TSPAN13: variants seen among roughly 807,000 people sequenced by gnomAD.
TSPAN13 encodes the protein tetraspanin-13.
TSPAN13 carries 18 observed loss-of-function variants against 26.9 expected under a neutral mutation model. The ratio of observed to expected loss-of-function variants is 0.67; its 90% confidence interval spans 0.46 to 0.99. The LOEUF is 0.99. Ranked by LOEUF, TSPAN13 falls within the 50% of genes least tolerant of loss-of-function variation. The probability of loss-of-function intolerance (pLI) is 0.00; values close to 1 mark genes in which losing one functional copy is unlikely to be tolerated. For synonymous variants in TSPAN13, 116 were observed against 98.4 expected (o/e 1.18, Z -1.06); for missense variants, 201 against 249.6 (o/e 0.81, Z 1.31).
At chr7:16,772,561 A>G (rs1424058815) in intron 1 of TSPAN13, among the ~76,000 whole-genome samples, 1 of 151,636 alleles carries the variant, frequency 6.6e-6, no homozygotes, top group Admixed American at 6.6e-5. Context: ...CACTTTCTAC[A>G]TTGTGTGTGT....
At chr7:16,777,722 A>C (rs1374479366) in intron 3 of TSPAN13, 76 bp from the exon 4 acceptor site, 31 of 1,036,494 alleles carry the variant, frequency 3.0e-5, no homozygotes, top group Non-Finnish European at 4.2e-5. Context: ...TACACTTAGT[A>C]CTAAAAGTTA....
intron 1 of TSPAN13, among the ~76,000 whole-genome samples, chr7:16,774,029 A>G (rs906873313): frequency 2.0e-5 from 3 of 152,226 alleles, no homozygotes; most frequent in Admixed American, 2.0e-4. Context: ...TGTGACTAAC[A>G]TTTACAATCA....
At chr7:16,778,871 T>G in intron 4 of TSPAN13, 132 bp from the exon 5 acceptor site, 1 of 618,572 alleles carries the variant, frequency 1.6e-6, no homozygotes, top group Admixed American at 3.1e-5. Flanking sequence ...TGTTAGAGAT[T>G]TGCACACTAA....
intron 1 of TSPAN13, among the ~76,000 whole-genome samples, chr7:16,770,610 T>A (rs181845797): frequency 6.6e-6 from 1 of 152,254 alleles, no homozygotes; most frequent in Non-Finnish European, 1.5e-5. Flanking sequence ...TCTTTTGTTA[T>A]ATTTGTCATA....
intron 1 of TSPAN13, among the ~76,000 whole-genome samples, chr7:16,754,664 A>G (rs887462026): frequency 4.6e-5 from 7 of 152,154 alleles, no homozygotes; most frequent in Non-Finnish European, 7.4e-5. Flanking sequence ...TGTCTTGTCC[A>G]TGATCAATAT....
Position 16,753,943 on chromosome 7 carries a change from G to C in TSPAN13, c.-25G>C, listed in dbSNP as rs1562514812. 6.2e-7 allele frequency: 1 copy of C among 1,609,650 alleles called. No homozygotes were observed. The highest frequency in any genetic ancestry group is 1.1e-5 in the South Asian group (1 of 90,002). On this transcript the variant is annotated 5_prime_UTR_variant, in exon 1 of 6. Transcript: ENST00000262067. ...TCCGCCGGAGTCGAATTTACGTGCAGCTGCCGGCAACCACAGGTTCCAAGA... is the reference window on the plus strand; with the variant it reads ...TCCGCCGGAGTCGAATTTACGTGCACCTGCCGGCAACCACAGGTTCCAAGA...
intron 1 of TSPAN13, among the ~76,000 whole-genome samples, chr7:16,762,277 A>G (rs1460539755): frequency 2.6e-5 from 4 of 152,206 alleles, no homozygotes; most frequent in Non-Finnish European, 4.4e-5. Context: ...GAGCAATATC[A>G]TGTGCTCTTT....
intron 1 of TSPAN13, 139 bp from the exon 2 acceptor site, chr7:16,776,072 T>C: frequency 1.5e-6 from 1 of 672,952 alleles, no homozygotes; most frequent in South Asian, 2.8e-5. Flanking sequence ...TGTGTATTCT[T>C]GTATTAAGTT....
At chr7:16,755,962 T>C (rs1336604891) in intron 1 of TSPAN13, among the ~76,000 whole-genome samples, 2 of 152,154 alleles carry the variant, frequency 1.3e-5, no homozygotes, top group African/African-American at 2.4e-5. Flanking sequence ...GAATTGGAAA[T>C]TCACGGGACA....
intron 1 of TSPAN13, among the ~76,000 whole-genome samples, chr7:16,772,179 T>C (rs1421709647): frequency 1.3e-5 from 2 of 152,176 alleles, no homozygotes; most frequent in African/African-American, 2.4e-5. Flanking sequence ...ATGTATTTGC[T>C]TTGCGGCGAG....
intron 5 of TSPAN13, among the ~76,000 whole-genome samples, chr7:16,782,513 A>T (rs991930722): frequency 1.3e-5 from 2 of 152,210 alleles, no homozygotes; most frequent in African/African-American, 4.8e-5. Flanking sequence ...TACAATTTTC[A>T]TTTATTTAAA....
chr7:16,774,823 A>G (rs1449486951), intron 1 of TSPAN13, among the ~76,000 whole-genome samples: 1 of 151,572 alleles, frequency 6.6e-6, no homozygotes, highest in Non-Finnish European at 1.5e-5. Flanking sequence ...GGTTCCTTTT[A>G]TTCTCAAGTT....
intron 1 of TSPAN13, among the ~76,000 whole-genome samples, chr7:16,761,463 C>A (rs1435467283): frequency 6.6e-6 from 1 of 152,120 alleles, no homozygotes; most frequent in Non-Finnish European, 1.5e-5. Context: ...GTTCAGTGTT[C>A]ACGTGTAATT....
intron 5 of TSPAN13, among the ~76,000 whole-genome samples, chr7:16,780,780 TA>T (rs1310571536): frequency 6.6e-6 from 1 of 152,210 alleles, no homozygotes; most frequent in Non-Finnish European, 1.5e-5. Context: ...TCAGTTATGC[TA>T]TTTTTTAAGT....
chr7:16,764,940 T>TC (rs948921723), intron 1 of TSPAN13, among the ~76,000 whole-genome samples: 1 of 151,474 alleles, frequency 6.6e-6, no homozygotes, highest in Non-Finnish European at 1.5e-5. Context: ...TTTTGTTTTT[T>TC]TTTTGAGACA....
chr7:16,766,849 A>G (rs115688117), intron 1 of TSPAN13, among the ~76,000 whole-genome samples: 217 of 152,356 alleles, frequency 1.4e-3, no homozygotes, highest in African/African-American at 5.0e-3. Context: ...AGTTTTAATT[A>G]GGAAATTTCA....
intron 5 of TSPAN13, 103 bp downstream of exon 5, chr7:16,779,219 A>G: frequency 1.3e-6 from 1 of 776,804 alleles, no homozygotes. Context: ...TTCATTGAGA[A>G]CTAGCACTGT....
intron 1 of TSPAN13, among the ~76,000 whole-genome samples, chr7:16,772,288 C>T (rs1784688834): frequency 6.6e-6 from 1 of 152,154 alleles, no homozygotes; most frequent in Admixed American, 6.5e-5. Context: ...TGAGAGGTTC[C>T]TGATTTGTCA....
At chr7:16,770,656 G>A (rs1784663761) in intron 1 of TSPAN13, among the ~76,000 whole-genome samples, 1 of 151,894 alleles carries the variant, frequency 6.6e-6, no homozygotes, top group Non-Finnish European at 1.5e-5. Context: ...TAGTCATTTT[G>A]TGATTTTTTG....
Sources: allele counts gnomAD v4.1 joint callset (sites outside exome capture counted in the v4.1 genomes callset), GRCh38; gene constraint gnomAD v4.1.1; transcripts MANE v1.5; gene names NCBI Gene and HGNC (gene_info 2026-07-23, HGNC 2026-07-21).